KPNA7: variants seen among roughly 807,000 people sequenced by gnomAD.
KPNA7 encodes the protein karyopherin subunit alpha 7.
KPNA7 carries 54 observed loss-of-function variants against 53.7 expected under a neutral mutation model. The observed-to-expected ratio is 1.01, with a 90% CI of 0.81 to 1.26. KPNA7 has a LOEUF of 1.26. Among genes scored for constraint, KPNA7 ranks in the 50% most tolerant of loss-of-function variants. KPNA7 has a pLI of 0.00. For missense variants in KPNA7, 640 were observed against 644.5 expected (o/e 0.99, Z 0.07); for synonymous variants, 276 against 259.3 (o/e 1.06, Z -0.62).
chr7:99,216,382 G>A (rs965007477), intron 1 of KPNA7, among the ~76,000 whole-genome samples: 5 of 152,088 alleles, frequency 3.3e-5, no homozygotes, highest in Admixed American at 3.3e-4. Context: ...CAAGAAAGCC[G>A]AACTAGTGAT....
intron 9 of KPNA7, among the ~76,000 whole-genome samples, chr7:99,181,269 TC>T (rs574534886): frequency 3.3e-5 from 5 of 151,998 alleles, no homozygotes; most frequent in Non-Finnish European, 7.4e-5. Flanking sequence ...CTACAGCCAC[TC>T]CCCACCCTGA....
the KPNA7 span, among the ~76,000 whole-genome samples, chr7:99,160,006 CTGTTGTTTT>C: frequency 2.2e-5 from 3 of 133,732 alleles, no homozygotes; most frequent in African/African-American, 8.7e-5. Context: ...TGTTTCTCCT[CTGTTGTTTT>C]TGTTTTTTTT....
chr7:99,189,145 A>G (rs1375883553), intron 6 of KPNA7, among the ~76,000 whole-genome samples: 2 of 152,102 alleles, frequency 1.3e-5, no homozygotes. Flanking sequence ...TTCATTTTTC[A>G]CTGACAACAA....
intron 1 of KPNA7, among the ~76,000 whole-genome samples, chr7:99,213,154 G>A (rs1047032212): frequency 5.4e-5 from 8 of 148,784 alleles, no homozygotes; most frequent in Admixed American, 4.7e-4. Context: ...TTGAGACAGA[G>A]TCTCACTCTG....
chr7:99,200,032 A>G (rs1790431641), intron 3 of KPNA7, among the ~76,000 whole-genome samples: 1 of 152,088 alleles, frequency 6.6e-6, no homozygotes, highest in Non-Finnish European at 1.5e-5. Flanking sequence ...CCTTCCTAAT[A>G]GCTGGGACTA....
chr7:99,204,129 C>T (rs1019144469), intron 2 of KPNA7, among the ~76,000 whole-genome samples: 1 of 152,082 alleles, frequency 6.6e-6, no homozygotes, highest in African/African-American at 2.4e-5. Flanking sequence ...CCTATAATCC[C>T]AGCACTTTGG....
intron 9 of KPNA7, 48 bp downstream of exon 9, chr7:99,181,835 C>G: frequency 1.4e-6 from 2 of 1,413,184 alleles, no homozygotes; most frequent in Non-Finnish European, 1.9e-6. Flanking sequence ...ATGCTTGTAT[C>G]CAGTTGGAGA....
At chr7:99,199,504 G>T (rs1169382106) in intron 3 of KPNA7, among the ~76,000 whole-genome samples, 1 of 152,118 alleles carries the variant, frequency 6.6e-6, no homozygotes, top group Non-Finnish European at 1.5e-5. Context: ...GTAGAAAATA[G>T]TCTCAAATAA....
chr7:99,161,257 C>G, the KPNA7 span, among the ~76,000 whole-genome samples: 2 of 42,150 alleles, frequency 4.7e-5, no homozygotes, highest in Non-Finnish European at 1.2e-4. Context: ...CTCTCTCTCT[C>G]TCTCTCTCTC....
chr7:99,200,234 C>T (rs1790445107), intron 3 of KPNA7, among the ~76,000 whole-genome samples: 1 of 152,104 alleles, frequency 6.6e-6, no homozygotes, highest in Non-Finnish European at 1.5e-5. Context: ...GACGCGGTTT[C>T]ACCATGTTGG....
At chr7:99,162,425 G>A in the KPNA7 span, among the ~76,000 whole-genome samples, 6 of 152,082 alleles carry the variant, frequency 3.9e-5, no homozygotes, top group Non-Finnish European at 5.9e-5. Flanking sequence ...TGTTCACACC[G>A]TAAACCAACC....
Position 99,203,105 on chromosome 7 carries a change from C to T in KPNA7, c.201+1G>A, listed in dbSNP as rs1790629385. 6.4e-7 allele frequency: 1 copy of T among 1,551,536 alleles called. No homozygotes were observed. Among genetic ancestry groups the T allele is most frequent in the African/African-American group, 1.4e-5 (1 of 73,028 alleles). ...GACTACTCTAAACACTACATACTGACCGCCACCCCTTTGGCTGTTTTTTCA... is the reference window on the plus strand; with the variant it reads ...GACTACTCTAAACACTACATACTGATCGCCACCCCTTTGGCTGTTTTTTCA... On this transcript the variant is annotated splice_donor_variant, in intron 3 of 10. Coordinates refer to ENST00000327442, the MANE Select transcript of KPNA7 (RefSeq NM_001145715.3). LOFTEE classifies it high-confidence loss of function.
chr7:99,178,771 C>CAAAAAAAAAAAAAAAA (rs756807848), intron 9 of KPNA7, among the ~76,000 whole-genome samples: 1 of 27,678 alleles, frequency 3.6e-5, no homozygotes, highest in Non-Finnish European at 6.4e-5. Context: ...ATCTTTGTCT[C>CAAAAAAAAAAAAAAAA]AAAAAAAAAA....
chr7:99,180,727 G>GTCTCTCTCTCTCCCCGTGTC (rs758343966), intron 9 of KPNA7, among the ~76,000 whole-genome samples: 1 of 89,540 alleles, frequency 1.1e-5, no homozygotes, highest in Non-Finnish European at 2.2e-5. Context: ...CTCCGTCTGT[G>GTCTCTCTCTCTCCCCGTGTC]TCTCTCTCTC....
At chr7:99,152,603 G>C in the KPNA7 span, among the ~76,000 whole-genome samples, 2 of 152,090 alleles carry the variant, frequency 1.3e-5, no homozygotes, top group Admixed American at 1.3e-4. Context: ...GGTTAATTCA[G>C]GAACCTTACC....
upstream of KPNA7, among the ~76,000 whole-genome samples, chr7:99,212,550 G>A (rs998618692): frequency 5.3e-5 from 8 of 151,826 alleles, no homozygotes; most frequent in Admixed American, 6.6e-5. Flanking sequence ...CACCATGCAT[G>A]GCTTACTTTT....
rs868195995 is a variant in KPNA7, at chr7:99,178,176, C to T, written c.1318-110G>A. Reference sequence around the variant, plus strand: ...CCGAGTGGAAGCAGACCAAAGGCTACCATTCCAGAATGGATAGTTGCAATT... The same window carrying T: ...CCGAGTGGAAGCAGACCAAAGGCTATCATTCCAGAATGGATAGTTGCAATT... On this transcript the variant is annotated intron_variant, in intron 9 of 10. Transcript: ENST00000327442. 4.3e-6 allele frequency: 4 copies of T among 919,704 alleles called. No individual in the cohort carries two copies. The Middle Eastern group carries it at 9.2e-4, about 210-fold the overall frequency. The allele number at this position is 919,704 out of a possible 1,614,324, so 57.0% of individuals were successfully genotyped here.
intron 1 of KPNA7, among the ~76,000 whole-genome samples, chr7:99,213,920 T>C (rs1791138740): frequency 6.6e-6 from 1 of 152,150 alleles, no homozygotes; most frequent in South Asian, 2.1e-4. Context: ...AAAACATTTA[T>C]TATGTGCCCA....
chr7:99,204,299 G>C (rs1790688917), intron 2 of KPNA7, among the ~76,000 whole-genome samples: 1 of 152,034 alleles, frequency 6.6e-6, no homozygotes, highest in African/African-American at 2.4e-5. Flanking sequence ...TTGAGCCAGG[G>C]AGGTCTAGGC....
Sources: gnomAD v4.1 joint callset for allele counts (sites outside exome capture counted in the v4.1 genomes callset) on GRCh38, gnomAD v4.1.1 for gene constraint, MANE v1.5 for transcripts, NCBI Gene and HGNC (gene_info 2026-07-23, HGNC 2026-07-21) for gene names.